COL22A1: variants seen among roughly 807,000 people sequenced by gnomAD.
The protein encoded by COL22A1 is collagen type XXII alpha 1 chain, also known as collagen alpha-1(XXII) chain.
A neutral mutation model predicts 248.9 loss-of-function variants in COL22A1; 221 were observed. The observed-to-expected ratio is 0.89, with a 90% CI of 0.80 to 0.99. The LOEUF (loss-of-function observed/expected upper bound fraction) is 0.99, where lower values mean the gene tolerates loss of function less well. COL22A1 is among the 50% of genes least tolerant of loss of function. The pLI is 0.00. For missense variants in COL22A1, 2,240 were observed against 2,179.0 expected (o/e 1.03, Z -0.56); for synonymous variants, 891 against 793.4 (o/e 1.12, Z -2.07).
At position 138,784,716 on chromosome 8, in the gene COL22A1, T is replaced by G. The variant is rs536921879; in HGVS notation, c.1597-3736A>C. Among the ~76,000 whole-genome samples, 4 of 152,280 alleles carry G rather than the reference T, an allele frequency of 2.6e-5. No homozygotes were observed. In the East Asian group the frequency reaches 7.7e-4, roughly 29 times the overall value. ...ACAAGGCGCCAGGCACTGAGCACTT[T>G]ACATCCATCACTGCATTCAACGCCT... On this transcript the variant is annotated intron_variant, in intron 12 of 64. Coordinates refer to ENST00000303045, the MANE Select transcript of COL22A1 (RefSeq NM_152888.3).
intron 49 of COL22A1, among the ~76,000 whole-genome samples, chr8:138,632,633 T>A (rs1308887171): frequency 6.6e-6 from 1 of 152,182 alleles, no homozygotes; most frequent in Non-Finnish European, 1.5e-5. Context: ...AATGACTACA[T>A]CATGGTCTTG....
intron 41 of COL22A1, 61 bp downstream of exon 41, chr8:138,676,497 T>C: frequency 1.3e-6 from 1 of 782,706 alleles, no homozygotes; most frequent in Non-Finnish European, 1.9e-6. Flanking sequence ...TGCAGGCAGG[T>C]CCAACAGGAA....
In COL22A1 at chr8:138,656,398, C is replaced by T. The variant is rs1205768856; in HGVS notation, c.3286-454G>A. ...TGAATTTAAGCCAATGTCTTCAGCTCTCCCAGGTGAAACAGCATTTTACAC... is the reference window on the plus strand; with the variant it reads ...TGAATTTAAGCCAATGTCTTCAGCTTTCCCAGGTGAAACAGCATTTTACAC... On this transcript the variant is annotated intron_variant, in intron 44 of 64. Coordinates refer to ENST00000303045, the MANE Select transcript of COL22A1 (RefSeq NM_152888.3). Among the ~76,000 whole-genome samples, 5 of 152,226 alleles carry T rather than the reference C, an allele frequency of 3.3e-5. No individual in the cohort carries two copies. The East Asian group carries it at 9.6e-4, about 29-fold the overall frequency.
chr8:138,810,785 A>G (rs1818143545), intron 9 of COL22A1, among the ~76,000 whole-genome samples: 1 of 152,344 alleles, frequency 6.6e-6, no homozygotes, highest in African/African-American at 2.4e-5. Flanking sequence ...CTACCAGGAT[A>G]GGCTTCTGAA....
At chr8:138,604,797 C>T (rs760633688) in intron 58 of COL22A1, 28 bp from the exon 59 acceptor site, 3 of 1,594,142 alleles carry the variant, frequency 1.9e-6, no homozygotes, top group Non-Finnish European at 2.6e-6. Context: ...ATATCAGTGG[C>T]TCTGCAGCAT....
rs80032081 is a variant in COL22A1 at position 138,602,316 on chromosome 8, G to T, written c.4141-157C>A. On this transcript the variant is annotated intron_variant, in intron 59 of 64. Coordinates refer to ENST00000303045, the MANE Select transcript of COL22A1 (RefSeq NM_152888.3). ...CCTTTCTGATTTATGCCTACATGGT[G>T]GGGGTGGGGGCGGCACACTGTGCCT... Among the ~76,000 whole-genome samples the T allele has an allele frequency of 1.8e-4, 28 of 152,154 alleles. No homozygotes were observed. The East Asian group carries it at 5.4e-3, about 30-fold the overall frequency.
At chr8:138,746,279 T>C (rs751395537) in intron 22 of COL22A1, among the ~76,000 whole-genome samples, 12 of 152,302 alleles carry the variant, frequency 7.9e-5, no homozygotes, top group Admixed American at 4.6e-4. Flanking sequence ...GTCTCTTCCC[T>C]TGCACAGCCT....
intron 37 of COL22A1, 58 bp from the exon 38 acceptor site, chr8:138,685,370 A>G: frequency 7.1e-7 from 1 of 1,413,834 alleles, no homozygotes; most frequent in Non-Finnish European, 9.9e-7. Context: ...AAGCTTTTCT[A>G]TGGGGGAGCA....
chr8:138,669,232 G>A lies in COL22A1; in HGVS notation c.3151-5492C>T, dbSNP rs112116668. ...AGGCCAGGCACCTGGGGAGACCAGCGGGAAAACGCACGAGTGATGCAGGGG... is the reference window on the plus strand; with the variant it reads ...AGGCCAGGCACCTGGGGAGACCAGCAGGAAAACGCACGAGTGATGCAGGGG... On this transcript the variant is annotated intron_variant, in intron 41 of 64. Transcript: ENST00000303045. Among the ~76,000 whole-genome samples, 925 of 152,294 alleles carry A rather than the reference G, an allele frequency of 6.1e-3. 14 individuals are homozygous for A. Among genetic ancestry groups the A allele is most frequent in the African/African-American group, 0.021 (872 of 41,562 alleles).
intron 12 of COL22A1, among the ~76,000 whole-genome samples, chr8:138,787,005 A>G (rs923466140): frequency 1.3e-5 from 2 of 152,238 alleles, no homozygotes; most frequent in African/African-American, 4.8e-5. Flanking sequence ...TGAGCCTCTC[A>G]TCCTTTCTAA....
chr8:138,686,230 A>T (rs1826336019), intron 37 of COL22A1, among the ~76,000 whole-genome samples: 1 of 152,192 alleles, frequency 6.6e-6, no homozygotes, highest in South Asian at 2.1e-4. Context: ...GAGTGCTAGC[A>T]TGGGCACCGG....
intron 56 of COL22A1, among the ~76,000 whole-genome samples, chr8:138,608,806 A>G (rs1818622402): frequency 6.6e-6 from 1 of 152,066 alleles, no homozygotes; most frequent in Non-Finnish European, 1.5e-5. Flanking sequence ...CTCAGGGCAC[A>G]TTCCCGTTGG....
At chr8:138,856,595 A>T (rs1586899851) in intron 3 of COL22A1, among the ~76,000 whole-genome samples, 1 of 109,772 alleles carries the variant, frequency 9.1e-6, no homozygotes, top group African/African-American at 5.3e-5. Flanking sequence ...AGGCAGTGAG[A>T]GAGAGAGAGA....
intron 3 of COL22A1, among the ~76,000 whole-genome samples, chr8:138,852,139 G>C (rs573223038): frequency 6.6e-6 from 1 of 152,272 alleles, no homozygotes; most frequent in African/African-American, 2.4e-5. Flanking sequence ...GCAAAGGGAA[G>C]AGCAATGGTG....
chr8:138,756,342 C>T (rs1373504044), intron 18 of COL22A1, among the ~76,000 whole-genome samples: 1 of 152,146 alleles, frequency 6.6e-6, no homozygotes, highest in Non-Finnish European at 1.5e-5. Context: ...TCACTTTATA[C>T]ACAAGGTTTG....
At chr8:138,607,229 G>A (rs572371488) in intron 57 of COL22A1, among the ~76,000 whole-genome samples, 8 of 152,268 alleles carry the variant, frequency 5.3e-5, no homozygotes, top group East Asian at 3.9e-4. Context: ...CCCATTGCCC[G>A]GTACAATTGA....
Position 138,877,765 on chromosome 8 carries a change from G to C in COL22A1, c.643C>G (p.Arg215Gly). 6.3e-7 allele frequency: 1 copy of C among 1,590,572 alleles called. No homozygotes were observed. Among genetic ancestry groups the C allele is most frequent in the South Asian group, 1.1e-5 (1 of 87,464 alleles). The change falls in exon 3 of 65, where the codon CGC becomes GGC. Residue 215 changes from arginine to glycine, a missense_variant. Transcript: ENST00000303045. Reference protein sequence around the residue: ...AIDKIRGKLRRRLCENVLCPS... With the variant: ...AIDKIRGKLRGRLCENVLCPS... ...GCGCACTCACTTTCACAAAGACGGC[G>C]CCGCAGCTTGCCCCGGATCTTGTCG...
chr8:138,716,345 G>A (rs568485668), intron 28 of COL22A1, 56 bp from the exon 29 acceptor site: 1 of 1,264,918 alleles, frequency 7.9e-7, no homozygotes, highest in South Asian at 1.3e-5. Flanking sequence ...CAGGGGCCAA[G>A]CTGCAGGCCA....
intron 17 of COL22A1, 40 bp downstream of exon 17, chr8:138,762,373 G>A (rs772082919): frequency 3.6e-5 from 57 of 1,602,396 alleles, no homozygotes; most frequent in African/African-American, 1.2e-4. Context: ...TCCTCTGACC[G>A]CTGATGAAAC....
Sources: gnomAD v4.1 joint callset for allele counts (sites outside exome capture counted in the v4.1 genomes callset) on GRCh38, gnomAD v4.1.1 for gene constraint, MANE v1.5 for transcripts, NCBI Gene and HGNC (gene_info 2026-07-23, HGNC 2026-07-21) for gene names.